SLC9A2: variants seen among roughly 807,000 people sequenced by gnomAD.
SLC9A2 encodes the protein sodium/hydrogen exchanger 2.
Under a neutral mutation model 71.7 loss-of-function variants are expected in SLC9A2, and 42 were observed. The observed-to-expected ratio is 0.59, with a 90% CI of 0.46 to 0.76. The LOEUF is 0.76. SLC9A2 is among the 30% of genes least tolerant of loss of function. The probability of loss-of-function intolerance (pLI) is 0.00; values close to 1 mark genes in which losing one functional copy is unlikely to be tolerated. For synonymous variants in SLC9A2, 396 were observed against 392.5 expected (o/e 1.01, Z -0.10); for missense variants, 829 against 1,017.4 (o/e 0.81, Z 2.52).
intron 5 of SLC9A2, among the ~76,000 whole-genome samples, chr2:102,687,126 C>T (rs114130280): frequency 1.6e-4 from 25 of 152,306 alleles, no homozygotes; most frequent in Non-Finnish European, 2.6e-4. Context: ...GAAATTGCTG[C>T]GGTTCCACTT....
chr2:102,678,251 C>T (rs140398055), intron 3 of SLC9A2, among the ~76,000 whole-genome samples: 3 of 151,752 alleles, frequency 2.0e-5, no homozygotes, highest in Non-Finnish European at 4.4e-5. Context: ...ACAGAATTTG[C>T]CTCAGAATGG....
At chr2:102,628,442 A>C (rs1242382686) in intron 1 of SLC9A2, among the ~76,000 whole-genome samples, 1 of 152,164 alleles carries the variant, frequency 6.6e-6, no homozygotes, top group African/African-American at 2.4e-5. Flanking sequence ...TTCATGAACT[A>C]AAATAGGATT....
chr2:102,701,290 G>C, intron 8 of SLC9A2, 59 bp downstream of exon 8: 2 of 1,227,738 alleles, frequency 1.6e-6, no homozygotes, highest in Non-Finnish European at 2.3e-6. Context: ...ATAGTATTTT[G>C]AAACTGGTAA....
At chr2:102,639,848 C>G (rs971414278) in intron 1 of SLC9A2, among the ~76,000 whole-genome samples, 3 of 151,508 alleles carry the variant, frequency 2.0e-5, no homozygotes, top group African/African-American at 7.4e-5. Context: ...TAAGGAGGAA[C>G]AATATAGCTC....
At chr2:102,682,038 G>T (rs956246502) in intron 3 of SLC9A2, among the ~76,000 whole-genome samples, 1 of 152,146 alleles carries the variant, frequency 6.6e-6, no homozygotes, top group Non-Finnish European at 1.5e-5. Context: ...CTAAGCTAGG[G>T]TCACTGTACT....
At chr2:102,622,163 A>C (rs1211080541) in intron 1 of SLC9A2, among the ~76,000 whole-genome samples, 1 of 152,186 alleles carries the variant, frequency 6.6e-6, no homozygotes, top group Non-Finnish European at 1.5e-5. Context: ...AACCAGATAC[A>C]CACATGTTTG....
intron 1 of SLC9A2, among the ~76,000 whole-genome samples, chr2:102,635,568 C>T (rs935135278): frequency 6.6e-6 from 1 of 152,230 alleles, no homozygotes. Flanking sequence ...GCTGTTCACT[C>T]GCTGTCCATC....
At chr2:102,685,966 C>T (rs967915526) in intron 5 of SLC9A2, among the ~76,000 whole-genome samples, 3 of 152,080 alleles carry the variant, frequency 2.0e-5, no homozygotes, top group African/African-American at 4.8e-5. Context: ...AGCCTTGGGG[C>T]GGCCCCACCT....
At chr2:102,694,948 A>C (rs1437802076) in intron 6 of SLC9A2, 95 bp from the exon 7 acceptor site, 1 of 1,001,872 alleles carries the variant, frequency 1.0e-6, no homozygotes, top group Admixed American at 2.1e-5. Context: ...AGCAAAAGCC[A>C]TGAAGGTCTT....
Position 102,694,415 on chromosome 2 carries a change from G to A in SLC9A2, c.1427G>A (p.Gly476Glu). 1 of 1,442,118 alleles carries A rather than the reference G, an allele frequency of 6.9e-7. No homozygotes were observed. Among genetic ancestry groups the A allele is most frequent in the East Asian group, 2.3e-5 (1 of 42,928 alleles). The allele number at this position is 1,442,118 out of a possible 1,614,324, so 89.3% of individuals were successfully genotyped here. ...GCTTAAATTGTGTTTCCTGTTCAGG[G>A]AATAACTATTCGACCACTGGTGGAG... ...VVIFFTVFIL[G>E]ITIRPLVEFL... Residue 476 changes from glycine to glutamate, a missense_variant and splice_region_variant, in exon 6 of 12, where the codon GGA becomes GAA. Gly to Glu is a moderately conservative substitution (Grantham distance 98, BLOSUM62 -2). This residue lies in a region of SLC9A2 where 500 missense variants were observed against 726.3 expected (regional missense o/e 0.69). Transcript: ENST00000233969.
chr2:102,671,254 AATAGT>A (rs1339955476), intron 3 of SLC9A2, among the ~76,000 whole-genome samples: 3 of 151,668 alleles, frequency 2.0e-5, no homozygotes, highest in Non-Finnish European at 4.4e-5. Flanking sequence ...CTTGACAAAT[AATAGT>A]TTTACTTTTA....
intron 1 of SLC9A2, among the ~76,000 whole-genome samples, chr2:102,629,493 C>A (rs1676316694): frequency 6.6e-6 from 1 of 151,976 alleles, no homozygotes; most frequent in South Asian, 2.1e-4. Context: ...CCACATAGAT[C>A]TGGATTTTGC....
rs368048763 is a variant in SLC9A2 at position 102,683,435 on chromosome 2, C to T, written c.1179C>T (p.Phe393=). Residue 393 remains phenylalanine (F), a synonymous_variant, in exon 4 of 12, where the codon TTC becomes TTT. Transcript: ENST00000233969. ...VGKNHEWNWA[F]VCFTLAFCLM... is the part of the protein sequence containing the mutation. ...AGAACCACGAGTGGAACTGGGCCTT[C>T]GTCTGCTTCACCCTGGCCTTCTGCC... 9.9e-6 allele frequency: 16 copies of T among 1,614,104 alleles called. No homozygotes were observed. In the Middle Eastern group the frequency reaches 4.9e-4, roughly 50 times the overall value.
At position 102,711,048 on chromosome 2, in the gene SLC9A2, T is replaced by C. The variant is rs1386557350; in HGVS notation, c.*2559T>C. On this transcript the variant is annotated 3_prime_UTR_variant, in exon 12 of 12. Transcript: ENST00000233969. ...TTTAAAAGCATGTGTTTTGTGTATA[T>C]GCTCACAAAATGTCTGTGAAGAGAT... The C allele has an allele frequency of 6.6e-6, 1 of 152,372 alleles. No homozygotes were observed. Among genetic ancestry groups the C allele is most frequent in the East Asian group, 1.9e-4 (1 of 5,336 alleles). The allele number at this position is 152,372 out of a possible 1,614,324, so 9.4% of individuals were successfully genotyped here. A position where few individuals can be genotyped will look rare whatever the true frequency, so the allele number is the denominator to read the frequency against.
At chr2:102,630,044 TAAAA>T (rs1489726713) in intron 1 of SLC9A2, among the ~76,000 whole-genome samples, 1 of 152,098 alleles carries the variant, frequency 6.6e-6, no homozygotes, top group African/African-American at 2.4e-5. Flanking sequence ...TACTTGAACT[TAAAA>T]AAATTCTAAC....
At chr2:102,644,430 C>A (rs1676675415) in intron 1 of SLC9A2, among the ~76,000 whole-genome samples, 1 of 152,254 alleles carries the variant, frequency 6.6e-6, no homozygotes, top group Non-Finnish European at 1.5e-5. Flanking sequence ...AGGCTCCCCC[C>A]CGCCCAGTGG....
At chr2:102,674,455 C>A (rs960427096) in intron 3 of SLC9A2, among the ~76,000 whole-genome samples, 16 of 152,196 alleles carry the variant, frequency 1.1e-4, no homozygotes, top group African/African-American at 3.9e-4. Context: ...TGTAGCATTT[C>A]TCTTATGTAC....
chr2:102,690,183 C>T (rs1677631130), intron 5 of SLC9A2, among the ~76,000 whole-genome samples: 1 of 152,082 alleles, frequency 6.6e-6, no homozygotes, highest in South Asian at 2.1e-4. Flanking sequence ...AGGGTGAACA[C>T]TAAAGGAGGC....
chr2:102,645,777 A>G (rs551943215), intron 1 of SLC9A2, among the ~76,000 whole-genome samples: 1 of 152,264 alleles, frequency 6.6e-6, no homozygotes, highest in South Asian at 2.1e-4. Flanking sequence ...GGAGTGAACA[A>G]AGCTTCCAAG....
Sources: allele counts gnomAD v4.1 joint callset (sites outside exome capture counted in the v4.1 genomes callset), GRCh38; gene constraint gnomAD v4.1.1; regional missense constraint gnomAD v4.1.1; transcripts MANE v1.5; gene names NCBI Gene and HGNC (gene_info 2026-07-23, HGNC 2026-07-21).